GPHN: variants seen among roughly 807,000 people sequenced by gnomAD.
GPHN encodes the protein gephyrin.
GPHN carries 17 observed loss-of-function variants against 95.5 expected under a neutral mutation model. The ratio of observed to expected loss-of-function variants is 0.18; its 90% confidence interval spans 0.12 to 0.27. The LOEUF is 0.27. GPHN is among the 10% of genes least tolerant of loss of function. GPHN has a pLI of 1.00. For missense variants in GPHN, 660 were observed against 978.1 expected, an observed-to-expected ratio of 0.67 and a Z score of 4.34; for synonymous variants, 320 against 322.5, an observed-to-expected ratio of 0.99 and a Z score of 0.08.
At chr14:66,568,867 T>C (rs1161817909) in intron 1 of GPHN, among the ~76,000 whole-genome samples, 2 of 152,122 alleles carry the variant, frequency 1.3e-5, no homozygotes, top group African/African-American at 2.4e-5. Flanking sequence ...GATAATTAAT[T>C]ATGAAAATTA....
intron 17 of GPHN, among the ~76,000 whole-genome samples, chr14:67,129,626 C>A (rs961759862): frequency 1.3e-5 from 2 of 152,064 alleles, no homozygotes; most frequent in Admixed American, 6.6e-5. Context: ...CCTTAGCCTA[C>A]CTACATTTTG....
chr14:67,143,483 C>T (rs1326290044), intron 18 of GPHN, 34 bp downstream of exon 18: 4 of 1,231,904 alleles, frequency 3.2e-6, no homozygotes, highest in Non-Finnish European at 4.8e-6. Flanking sequence ...AATGTATCTG[C>T]TGTAATGTTC....
intron 2 of GPHN, among the ~76,000 whole-genome samples, chr14:66,723,656 A>T (rs1370271217): frequency 6.6e-6 from 1 of 152,114 alleles, no homozygotes; most frequent in Non-Finnish European, 1.5e-5. Flanking sequence ...TTTTATTCTC[A>T]TAAATATCTG....
At chr14:67,654,129 C>T in the GPHN span, among the ~76,000 whole-genome samples, 1 of 152,116 alleles carries the variant, frequency 6.6e-6, no homozygotes, top group Admixed American at 6.5e-5. Context: ...TTATTTGAAA[C>T]AGGGTCTCAC....
intron 1 of GPHN, among the ~76,000 whole-genome samples, chr14:66,621,918 C>T (rs890272027): frequency 2.2e-4 from 34 of 152,202 alleles, no homozygotes; most frequent in Admixed American, 4.6e-4. Context: ...ACAGTGCTGT[C>T]GGTGGATCTG....
chr14:66,948,881 T>G (rs1173588288), intron 8 of GPHN, among the ~76,000 whole-genome samples: 2 of 152,168 alleles, frequency 1.3e-5, no homozygotes, highest in Non-Finnish European at 1.5e-5. Context: ...CACTGTATCC[T>G]CCACCTCCTG....
chr14:67,491,961 G>C, the GPHN span, among the ~76,000 whole-genome samples: 1 of 152,198 alleles, frequency 6.6e-6, no homozygotes, highest in African/African-American at 2.4e-5. Flanking sequence ...ACGGGGCCCT[G>C]TCCTTCCCCT....
intron 9 of GPHN, among the ~76,000 whole-genome samples, chr14:66,992,059 G>A (rs2071467311): frequency 6.6e-6 from 1 of 151,852 alleles, no homozygotes; most frequent in Non-Finnish European, 1.5e-5. Flanking sequence ...ATGAAATAAA[G>A]ATAGTTAAAA....
At chr14:67,017,875 T>G (rs556773701) in intron 9 of GPHN, among the ~76,000 whole-genome samples, 3 of 152,088 alleles carry the variant, frequency 2.0e-5, no homozygotes, top group Admixed American at 1.3e-4. Flanking sequence ...ATAAAACAGG[T>G]ACAGGAATGG....
the GPHN span, among the ~76,000 whole-genome samples, chr14:67,466,482 G>A: frequency 6.6e-6 from 1 of 152,228 alleles, no homozygotes; most frequent in East Asian, 1.9e-4. Context: ...AAATGGCATG[G>A]ATGGTTGTTG....
chr14:67,382,359 T>C, the GPHN span: 1 of 1,245,778 alleles, frequency 8.0e-7, no homozygotes, highest in African/African-American at 1.5e-5. Context: ...GATTTGTTAA[T>C]ACAGCAGATT....
the GPHN span, chr14:67,695,610 G>A: frequency 1.2e-6 from 2 of 1,604,892 alleles, no homozygotes; most frequent in South Asian, 2.2e-5. Flanking sequence ...CTCAAGAGAA[G>A]GCAATACATT....
intron 1 of GPHN, among the ~76,000 whole-genome samples, chr14:66,539,999 G>A (rs1393714384): frequency 6.6e-6 from 1 of 152,118 alleles, no homozygotes; most frequent in Non-Finnish European, 1.5e-5. Flanking sequence ...AAATCTATTT[G>A]TTTTTCTGAT....
intron 2 of GPHN, among the ~76,000 whole-genome samples, chr14:66,706,506 C>T (rs893605715): frequency 2.0e-5 from 3 of 152,032 alleles, no homozygotes; most frequent in Non-Finnish European, 4.4e-5. Flanking sequence ...AGAAATAACA[C>T]CACACATCTG....
the GPHN span, among the ~76,000 whole-genome samples, chr14:67,421,059 C>G: frequency 1.3e-5 from 2 of 152,132 alleles, no homozygotes; most frequent in Non-Finnish European, 1.5e-5. Flanking sequence ...CTCAGTTCCT[C>G]TAAAAGGAAC....
At chr14:67,187,427 CTACT>C in the GPHN span, among the ~76,000 whole-genome samples, 1 of 152,118 alleles carries the variant, frequency 6.6e-6, no homozygotes, top group Non-Finnish European at 1.5e-5. Context: ...TTTGTGGACT[CTACT>C]GATAGTTCCC....
chr14:67,323,918 C>A, the GPHN span: 1 of 630,210 alleles, frequency 1.6e-6, no homozygotes, highest in Non-Finnish European at 2.7e-6. Flanking sequence ...AGCTTTCAAA[C>A]TGATTATTTT....
intron 11 of GPHN, among the ~76,000 whole-genome samples, chr14:67,082,104 AT>A (rs1328236806): frequency 1.3e-5 from 2 of 151,958 alleles, no homozygotes; most frequent in Non-Finnish European, 2.9e-5. Context: ...TTTTATATGA[AT>A]TTTAGGATTG....
intron 8 of GPHN, among the ~76,000 whole-genome samples, chr14:66,938,646 T>C (rs1217792957): frequency 6.6e-6 from 1 of 152,212 alleles, no homozygotes; most frequent in East Asian, 1.9e-4. Flanking sequence ...CAAGTATTAG[T>C]ACTTTGAAGT....
Sources: allele counts gnomAD v4.1 joint callset (sites outside exome capture counted in the v4.1 genomes callset), GRCh38; gene constraint gnomAD v4.1.1; transcripts MANE v1.5; gene names NCBI Gene and HGNC (gene_info 2026-07-23, HGNC 2026-07-21).